The following WDR27 variants were observed in gnomAD, a reference collection of about 807,000 sequenced individuals.
The protein encoded by WDR27 is WD repeat-containing protein 27.
Under a neutral mutation model 114.4 loss-of-function variants are expected in WDR27, and 100 were observed. The ratio of observed to expected loss-of-function variants is 0.87; its 90% CI spans 0.74 to 1.03. WDR27 has a LOEUF of 1.03. Among genes scored for constraint, WDR27 ranks in the 50% least tolerant of loss-of-function variants. The pLI, the probability that WDR27 is intolerant of heterozygous loss-of-function variation, is 0.00. For missense variants in WDR27, 1,129 were observed against 1,092.9 expected, an observed-to-expected ratio of 1.03 and a Z score of -0.47; for synonymous variants, 449 against 423.1, an observed-to-expected ratio of 1.06 and a Z score of -0.75.
At chr6:169,508,659 G>A (rs1442718747) in intron 25 of WDR27, among the ~76,000 whole-genome samples, 1 of 152,186 alleles carries the variant, frequency 6.6e-6, no homozygotes, top group Non-Finnish European at 1.5e-5. Flanking sequence ...AATCTGCTAA[G>A]ATGTGTTACA....
intron 23 of WDR27, among the ~76,000 whole-genome samples, chr6:169,589,989 A>G (rs548012537): frequency 6.6e-6 from 1 of 152,402 alleles, no homozygotes; most frequent in African/African-American, 2.4e-5. Context: ...CAGGCAAAAG[A>G]TGAGGATGTG....
At chr6:169,697,242 A>G (rs1000968726) in intron 1 of WDR27, among the ~76,000 whole-genome samples, 24 of 152,298 alleles carry the variant, frequency 1.6e-4, no homozygotes, top group African/African-American at 5.5e-4. Context: ...CTGAGGGGAC[A>G]TAGTGAGGAG....
At chr6:169,639,029 G>C (rs1251156884) in intron 17 of WDR27, among the ~76,000 whole-genome samples, 2 of 130,028 alleles carry the variant, frequency 1.5e-5, no homozygotes, top group East Asian at 6.0e-4. Context: ...CGTGGTGCTG[G>C]GTACTGCGTG....
At chr6:169,532,665 A>G (rs1165488499) in intron 25 of WDR27, among the ~76,000 whole-genome samples, 1 of 152,116 alleles carries the variant, frequency 6.6e-6, no homozygotes, top group Admixed American at 6.5e-5. Context: ...TTTAGTTTCA[A>G]TTTTTATGTG....
chr6:169,570,050 T>C (rs2294498), intron 25 of WDR27, among the ~76,000 whole-genome samples: 89,814 of 151,960 alleles, frequency 0.59, 29,209 homozygotes, highest in Non-Finnish European at 0.72. Flanking sequence ...GCCATCACAT[T>C]GGGCACCACG....
chr6:169,437,417 G>T, the WDR27 span, among the ~76,000 whole-genome samples: 2 of 152,088 alleles, frequency 1.3e-5, no homozygotes, highest in African/African-American at 4.8e-5. Context: ...TCTGAAATCT[G>T]TTTTTTTACA....
chr6:169,584,565 T>C (rs900920706), intron 23 of WDR27, among the ~76,000 whole-genome samples: 2 of 152,214 alleles, frequency 1.3e-5, no homozygotes, highest in Non-Finnish European at 2.9e-5. Flanking sequence ...CCTCACAACA[T>C]TTGCTATCTC....
chr6:169,575,344 ATCCC>A (rs1279686124), intron 24 of WDR27, among the ~76,000 whole-genome samples: 2 of 60,498 alleles, frequency 3.3e-5, no homozygotes, highest in Non-Finnish European at 6.7e-5. Flanking sequence ...CCATCCATCC[ATCCC>A]TCCCTCCCTC....
chr6:169,501,253 C>T (rs1050370450), intron 25 of WDR27, among the ~76,000 whole-genome samples: 21 of 152,172 alleles, frequency 1.4e-4, no homozygotes, highest in African/African-American at 5.1e-4. Context: ...CAGAGTGGCC[C>T]GGCAGGGAGC....
chr6:169,701,295 T>G (rs1432907722), intron 1 of WDR27, among the ~76,000 whole-genome samples: 3 of 152,170 alleles, frequency 2.0e-5, no homozygotes, highest in African/African-American at 7.2e-5. Flanking sequence ...TCTCTTTTAG[T>G]GATAATCAAG....
At chr6:169,611,398 T>C (rs932921415) in intron 22 of WDR27, among the ~76,000 whole-genome samples, 1 of 149,100 alleles carries the variant, frequency 6.7e-6, no homozygotes. Context: ...CTCTGCCTCC[T>C]GAGTTCAAGT....
chr6:169,582,787 T>A, intron 24 of WDR27, 49 bp downstream of exon 24: 1 of 1,428,174 alleles, frequency 7.0e-7, no homozygotes, highest in Admixed American at 1.9e-5. Flanking sequence ...AAATATAATG[T>A]AAGACTTGTA....
At chr6:169,691,179 C>A (rs1323153116) in intron 1 of WDR27, among the ~76,000 whole-genome samples, 1 of 152,124 alleles carries the variant, frequency 6.6e-6, no homozygotes, top group Non-Finnish European at 1.5e-5. Context: ...CGCGCCACTG[C>A]ATTCCAGCCT....
chr6:169,699,143 G>A (rs975306627), intron 1 of WDR27, among the ~76,000 whole-genome samples: 3 of 152,166 alleles, frequency 2.0e-5, no homozygotes, highest in Non-Finnish European at 2.9e-5. Context: ...CAAAGAATAC[G>A]CATTAGCAGC....
chr6:169,634,283 A>AGGAT, intron 20 of WDR27, 145 bp downstream of exon 20: 1 of 586,018 alleles, frequency 1.7e-6, no homozygotes, highest in Non-Finnish European at 3.0e-6. Context: ...AATTAACACA[A>AGGAT]GGATGGCGAG....
At chr6:169,545,534 T>G (rs767774485) in intron 25 of WDR27, among the ~76,000 whole-genome samples, 1 of 152,010 alleles carries the variant, frequency 6.6e-6, no homozygotes, top group Non-Finnish European at 1.5e-5. Flanking sequence ...ATACAAAAAT[T>G]AGTGCAGCGT....
intron 25 of WDR27, among the ~76,000 whole-genome samples, chr6:169,513,329 A>G (rs931764837): frequency 6.6e-6 from 1 of 152,168 alleles, no homozygotes; most frequent in African/African-American, 2.4e-5. Context: ...TGGAAATTGT[A>G]CAGCCTCCTT....
chr6:169,507,370 TTCTGGGCACACG>T (rs1792137539), intron 25 of WDR27, among the ~76,000 whole-genome samples: 1 of 152,174 alleles, frequency 6.6e-6, no homozygotes, highest in South Asian at 2.1e-4. Flanking sequence ...CCCACAGTGG[TTCTGGGCACACG>T]GCTGGGCACG....
intron 24 of WDR27, among the ~76,000 whole-genome samples, chr6:169,574,773 G>A (rs1801978776): frequency 6.6e-6 from 1 of 152,222 alleles, no homozygotes; most frequent in Admixed American, 6.5e-5. Context: ...AGAAGCCACT[G>A]TGGAGGGGCC....
Sources: allele counts gnomAD v4.1 joint callset (sites outside exome capture counted in the v4.1 genomes callset), GRCh38; gene constraint gnomAD v4.1.1; transcripts MANE v1.5; gene names NCBI Gene and HGNC (gene_info 2026-07-23, HGNC 2026-07-21).